ENO3: variants seen among roughly 807,000 people sequenced by gnomAD.
ENO3 encodes enolase 3, also known as beta-enolase.
ENO3 carries 46 observed loss-of-function variants against 47.7 expected under a neutral mutation model. The ratio of observed to expected loss-of-function variants is 0.96; its 90% CI spans 0.76 to 1.23. The LOEUF is 1.23. Ranked by LOEUF, ENO3 falls within the 50% of genes most tolerant of loss-of-function variation. ENO3 has a pLI of 0.00. For missense variants in ENO3, 575 were observed against 566.2 expected, an observed-to-expected ratio of 1.02 and a Z score of -0.16; for synonymous variants, 223 against 225.9, an observed-to-expected ratio of 0.99 and a Z score of 0.11.
rs775083300 is a variant in ENO3 at position 4,951,881 on chromosome 17, C to G, written c.52C>G (p.Pro18Ala). 2.5e-6 allele frequency: 4 copies of G among 1,614,178 alleles called. No individual in the cohort carries two copies. The highest frequency in any genetic ancestry group is 1.6e-4 in the Middle Eastern group (1 of 6,062). Residue 18 changes from proline (P) to alanine (A), a missense_variant, in exon 2 of 12, where the codon CCC (proline) becomes GCC (alanine). By Grantham distance (27) the Pro-to-Ala change is conservative (BLOSUM62 -1). Transcript: ENST00000519602. Reference sequence around the variant, plus strand: ...GGAAATCTTGGACTCCAGGGGCAACCCCACGGTGGAGGTGGACCTGCACAC... The same window carrying G: ...GGAAATCTTGGACTCCAGGGGCAACGCCACGGTGGAGGTGGACCTGCACAC... Reference protein sequence around the residue: ...AREILDSRGNPTVEVDLHTAK... With the variant: ...AREILDSRGNATVEVDLHTAK...
chr17:4,952,605 G>A (rs1234584208), intron 2 of ENO3, among the ~76,000 whole-genome samples, 190 bp from the exon 3 acceptor site: 2 of 152,194 alleles, frequency 1.3e-5, no homozygotes, highest in African/African-American at 4.8e-5. Flanking sequence ...TTACAGGCGT[G>A]AGCCACCGCG....
Position 4,953,755 on chromosome 17 carries a change from G to C in ENO3, c.354G>C (p.Val118=). Residue 118 remains valine (V), a synonymous_variant, in exon 6 of 12, where the codon GTG becomes GTC. Coordinates refer to ENST00000519602, the MANE Select transcript of ENO3 (RefSeq NM_053013.4). ...ANAILGVSLA[V]CKAGAAEKGV... is the part of the protein sequence containing the mutation. Reference sequence around the variant, plus strand: ...CCATCCTGGGCGTGTCCTTGGCCGTGTGTAAGGCGGGAGCAGCTGAGAAGG... The same window carrying C: ...CCATCCTGGGCGTGTCCTTGGCCGTCTGTAAGGCGGGAGCAGCTGAGAAGG... 1 of 1,614,230 alleles carries C rather than the reference G, an allele frequency of 6.2e-7. No individual in the cohort carries two copies. Among genetic ancestry groups the C allele is most frequent in the Non-Finnish European group, 8.5e-7 (1 of 1,180,044 alleles).
rs1378882693 is a variant in ENO3 at position 4,955,970 on chromosome 17, G to A, written c.894G>A (p.Gln298=). The change falls in exon 9 of 12, where the codon CAG becomes CAA. Residue 298 remains glutamine (Q), a synonymous_variant. Coordinates refer to ENST00000519602, the MANE Select transcript of ENO3 (RefSeq NM_053013.4). The stretch of plus-strand genomic sequence containing the variant: ...TCTCCATCGAAGACCCCTTTGACCA[G>A]GATGACTGGGCCACTTGGACCTCCT... The part of the protein sequence containing the change: ...PVVSIEDPFD[Q]DDWATWTSFL... The A allele has an allele frequency of 6.2e-7, 1 of 1,613,486 alleles. No homozygotes were observed. The highest frequency in any genetic ancestry group is 8.5e-7 in the Non-Finnish European group (1 of 1,179,914).
chr17:4,955,438 G>T lies in ENO3; in HGVS notation c.699G>T (p.Ala233=), dbSNP rs745882984. The change falls in exon 8 of 12, where the codon GCG becomes GCT. Residue 233 remains alanine (A), a synonymous_variant. Coordinates refer to ENST00000519602, the MANE Select transcript of ENO3 (RefSeq NM_053013.4). Reference sequence around the variant, plus strand: ...AGCTGCTGAAGACGGCCATCCAGGCGGCTGGTTACCCAGACAAGGTGGTGA... The same window carrying T: ...AGCTGCTGAAGACGGCCATCCAGGCTGCTGGTTACCCAGACAAGGTGGTGA... ...ALELLKTAIQ[A]AGYPDKVVIG... The T allele has an allele frequency of 9.3e-6, 15 of 1,614,230 alleles. No homozygotes were observed. The Admixed American group carries it at 1.2e-4, about 13-fold the overall frequency.
chr17:4,953,188 A>AT, intron 4 of ENO3, 79 bp downstream of exon 4: 3 of 1,612,728 alleles, frequency 1.9e-6, no homozygotes, highest in Non-Finnish European at 2.5e-6. Context: ...CTCCCGAAAC[A>AT]TTTTCCCTTA....
chr17:4,949,682 T>G (rs1454955655), upstream of ENO3, among the ~76,000 whole-genome samples: 1 of 152,104 alleles, frequency 6.6e-6, no homozygotes, highest in Non-Finnish European at 1.5e-5. Flanking sequence ...CGCCGAGGGC[T>G]GGGCGGCTTC....
chr17:4,953,431 TC>T, intron 5 of ENO3, 90 bp downstream of exon 5: 3 of 1,571,338 alleles, frequency 1.9e-6, no homozygotes, highest in East Asian at 2.2e-5. Context: ...TATTTCTGGG[TC>T]CCCCATTTTG....
At chr17:4,954,037 T>A in intron 6 of ENO3, 192 bp downstream of exon 6, 1 of 837,394 alleles carries the variant, frequency 1.2e-6, no homozygotes, top group South Asian at 1.6e-5. Flanking sequence ...GAAGGCTCTA[T>A]GTGCTTCCTT....
Position 4,951,131 on chromosome 17 carries a change from G to C in ENO3, c.-54G>C, listed in dbSNP as rs767888492. 2.0e-6 allele frequency: 2 copies of C among 988,878 alleles called. No homozygotes were observed. Among genetic ancestry groups the C allele is most frequent in the Non-Finnish European group, 2.4e-6 (2 of 832,010 alleles). The allele number at this position is 988,878 out of a possible 1,614,324, so 61.3% of individuals were successfully genotyped here. A position where few individuals can be genotyped will look rare whatever the true frequency, so the allele number is the denominator to read the frequency against. Reference sequence around the variant, plus strand: ...GAGGGGGTGAGCTGACACTGTCCCAGCTGCCACCTAGACTCGGAGCTCCAT... The same window carrying C: ...GAGGGGGTGAGCTGACACTGTCCCACCTGCCACCTAGACTCGGAGCTCCAT... On this transcript the variant is annotated 5_prime_UTR_variant, in exon 1 of 12. Transcript: ENST00000519602.
chr17:4,949,489 A>AT (rs1430237814), upstream of ENO3, among the ~76,000 whole-genome samples: 3 of 152,076 alleles, frequency 2.0e-5, no homozygotes, highest in Non-Finnish European at 2.9e-5. Context: ...AGGCGGGGCT[A>AT]TTTTTCGAGG....
upstream of ENO3, chr17:4,949,107 C>T (rs1391270882): frequency 1.3e-5 from 2 of 152,030 alleles, no homozygotes; most frequent in Admixed American, 6.5e-5. Flanking sequence ...GGGCTGGGGA[C>T]GTGTCTCCCG....
chr17:4,956,348 C>A (rs1431962183), intron 9 of ENO3: 5 of 742,096 alleles, frequency 6.7e-6, no homozygotes, highest in African/African-American at 1.7e-5. Context: ...TGACCCCCCA[C>A]CCCCAGCCCA....
In ENO3 at chr17:4,956,646, A is replaced by C; in HGVS notation, c.1141A>C (p.Ile381Leu). 6.2e-7 allele frequency: 1 copy of C among 1,614,098 alleles called. No homozygotes were observed. The highest frequency in any genetic ancestry group is 8.5e-7 in the Non-Finnish European group (1 of 1,180,020). ...CTCTGGGGAGACTGAGGACACATTCATTGCTGACCTTGTGGTGGGGCTCTG... is the reference window on the plus strand; with the variant it reads ...CTCTGGGGAGACTGAGGACACATTCCTTGCTGACCTTGTGGTGGGGCTCTG... ...HRSGETEDTFIADLVVGLCTG... is the reference protein window; with the variant it reads ...HRSGETEDTFLADLVVGLCTG... Residue 381 changes from isoleucine to leucine, a missense_variant, in exon 10 of 12, where the codon ATT becomes CTT. By Grantham distance (5) the Ile-to-Leu change is conservative (BLOSUM62 2). Transcript: ENST00000519602.
chr17:4,951,394 G>C (rs773023451), intron 1 of ENO3, among the ~76,000 whole-genome samples: 6 of 152,168 alleles, frequency 3.9e-5, no homozygotes, highest in African/African-American at 1.4e-4. Flanking sequence ...GAGGGCAGCA[G>C]GGATGGATAG....
At chr17:4,952,215 G>A (rs1370088995) in intron 2 of ENO3, 2 of 439,892 alleles carry the variant, frequency 4.5e-6, no homozygotes, top group Non-Finnish European at 8.7e-6. Flanking sequence ...CTCGCTCTGT[G>A]GCCCGGGCTG....
In ENO3 at chr17:4,951,875, G is replaced by C. The variant is rs199949982; in HGVS notation, c.46G>C (p.Gly16Arg). The change falls in exon 2 of 12, where the codon GGC becomes CGC. Residue 16 changes from glycine to arginine, a missense_variant. Physicochemically the swap from Gly to Arg is moderately radical, Grantham distance 125. Coordinates refer to ENST00000519602, the MANE Select transcript of ENO3 (RefSeq NM_053013.4). ...TGCCCGGGAAATCTTGGACTCCAGG[G>C]GCAACCCCACGGTGGAGGTGGACCT... is the stretch of plus-strand genomic sequence containing the variant. ...IFAREILDSR[G>R]NPTVEVDLHT... 33 of 1,614,128 alleles carry C rather than the reference G, an allele frequency of 2.0e-5. No homozygotes were observed. In the East Asian group the frequency reaches 7.4e-4, roughly 36 times the overall value.
intron 1 of ENO3, among the ~76,000 whole-genome samples, chr17:4,951,506 T>G (rs1044292903): frequency 1.3e-5 from 2 of 151,854 alleles, no homozygotes; most frequent in Admixed American, 6.6e-5. Context: ...CCACCAGCCA[T>G]GGAGAACAGA....
chr17:4,956,572 GGT>G lies in ENO3; in HGVS notation c.1069_1070del (p.Cys357GlnfsTer6). On this transcript the variant is annotated frameshift_variant and splice_region_variant, in exon 10 of 12. Transcript: ENST00000519602. LOFTEE classifies it high-confidence loss of function. ...CCACATCAAATGTCCTCTCCACTCA[GGT>G]GCAAACTGGCTCAGTCTAATGGCTG... is the stretch of plus-strand genomic sequence containing the variant. 8 of 1,614,174 alleles carry G rather than the reference GGT, an allele frequency of 5.0e-6. No homozygotes were observed. Among genetic ancestry groups the G allele is most frequent in the Non-Finnish European group, 6.8e-6 (8 of 1,180,018 alleles).
chr17:4,953,821 C>A lies in ENO3; in HGVS notation c.420C>A (p.Asn140Lys). 6.2e-7 allele frequency: 1 copy of A among 1,614,180 alleles called. No homozygotes were observed. Residue 140 changes from asparagine to lysine, a missense_variant, in exon 6 of 12, where the codon AAC becomes AAA. Coordinates refer to ENST00000519602, the MANE Select transcript of ENO3 (RefSeq NM_053013.4). ...LYRHIADLAG[N>K]PDLILPVPAF... ...GCCACATCGCAGATCTCGCTGGGAA[C>A]CCTGACCTCATACTCCCAGTGCCAG...
Sources: allele counts gnomAD v4.1 joint callset (sites outside exome capture counted in the v4.1 genomes callset), GRCh38; gene constraint gnomAD v4.1.1; transcripts MANE v1.5; gene names NCBI Gene and HGNC (gene_info 2026-07-23, HGNC 2026-07-21).